The following NKAIN3 variants were observed in gnomAD, a reference collection of about 807,000 sequenced individuals.
NKAIN3 encodes sodium/potassium-transporting ATPase subunit beta-1-interacting protein 3.
NKAIN3 carries 25 observed loss-of-function variants against 30.2 expected under a neutral mutation model. The ratio of observed to expected loss-of-function variants is 0.83; its 90% CI spans 0.60 to 1.16. The LOEUF (loss-of-function observed/expected upper bound fraction) is 1.16, where lower values mean the gene tolerates loss of function less well. Ranked by LOEUF, NKAIN3 falls within the 50% of genes most tolerant of loss-of-function variation. The pLI is 0.00. For synonymous variants in NKAIN3, 91 were observed against 89.6 expected, an observed-to-expected ratio of 1.02 and a Z score of -0.09; for missense variants, 225 against 254.1, an observed-to-expected ratio of 0.89 and a Z score of 0.78.
chr8:62,834,507 C>G lies in NKAIN3; in HGVS notation c.472-83946C>G, dbSNP rs552476281. ...AGGATACAAAATCAATGTATGAAAA[C>G]CAGTAGCACTTCTATACACCAATAA... On this transcript the variant is annotated intron_variant, in intron 4 of 6. Transcript: ENST00000623646. Among the ~76,000 whole-genome samples the G allele has an allele frequency of 4.0e-5, 6 of 151,878 alleles. No individual in the cohort carries two copies. In the South Asian group the frequency reaches 1.2e-3, roughly 32 times the overall value.
chr8:62,691,237 T>G (rs1215653889), intron 3 of NKAIN3, among the ~76,000 whole-genome samples: 1 of 152,168 alleles, frequency 6.6e-6, no homozygotes, highest in Non-Finnish European at 1.5e-5. Context: ...CTGAAGCAGG[T>G]GTTATTGTAG....
At position 62,465,220 on chromosome 8, in the gene NKAIN3, A is replaced by G. The variant is rs13278881; in HGVS notation, c.55-114319A>G. 6.1e-3 allele frequency among the ~76,000 whole-genome samples: 936 copies of G among 152,320 alleles called. 4 individuals are homozygous for G. Among genetic ancestry groups the G allele is most frequent in the Non-Finnish European group, 9.7e-3 (657 of 68,024 alleles). Reference sequence around the variant, plus strand: ...TTGTATACGTTGCAAGTAACATAACATCATCAGATTTATACCATAATTGTA... The same window carrying G: ...TTGTATACGTTGCAAGTAACATAACGTCATCAGATTTATACCATAATTGTA... On this transcript the variant is annotated intron_variant, in intron 1 of 6. Transcript: ENST00000623646.
chr8:62,527,880 T>TGG (rs1193697541), intron 1 of NKAIN3, among the ~76,000 whole-genome samples: 11 of 126,120 alleles, frequency 8.7e-5, no homozygotes, highest in African/African-American at 1.2e-4. Flanking sequence ...GTACTTTTTT[T>TGG]TGGTGTGTGT....
chr8:62,500,718 A>T (rs559770924), intron 1 of NKAIN3, among the ~76,000 whole-genome samples: 37 of 152,280 alleles, frequency 2.4e-4, no homozygotes, highest in African/African-American at 8.4e-4. Context: ...AGGGACAAGG[A>T]TACTGCCGGG....
intron 3 of NKAIN3, among the ~76,000 whole-genome samples, chr8:62,631,391 C>A (rs1426873151): frequency 6.6e-6 from 1 of 152,156 alleles, no homozygotes; most frequent in East Asian, 1.9e-4. Context: ...ATCGCCTAAT[C>A]CAGAAACATG....
At chr8:62,851,918 T>C (rs1819913619) in intron 4 of NKAIN3, among the ~76,000 whole-genome samples, 1 of 152,172 alleles carries the variant, frequency 6.6e-6, no homozygotes, top group African/African-American at 2.4e-5. Context: ...TAAAATTCTC[T>C]TTTTTTGTTG....
At chr8:62,282,325 C>T (rs1192298937) in intron 1 of NKAIN3, among the ~76,000 whole-genome samples, 2 of 152,174 alleles carry the variant, frequency 1.3e-5, no homozygotes, top group African/African-American at 4.8e-5. Flanking sequence ...GATGCCTGCA[C>T]ACCTCTGTGT....
intron 4 of NKAIN3, among the ~76,000 whole-genome samples, chr8:62,824,491 AACACACACACACAC>A (rs6150612): frequency 0.023 from 3,355 of 148,694 alleles, 110 homozygotes; most frequent in African/African-American, 0.072. Context: ...CCACCTCTTC[AACACACACACACAC>A]ACACACACAC....
chr8:62,338,679 G>T (rs1815644142), intron 1 of NKAIN3, among the ~76,000 whole-genome samples: 1 of 151,960 alleles, frequency 6.6e-6, no homozygotes, highest in African/African-American at 2.4e-5. Context: ...AAGCTGAGGA[G>T]CAAAGAAAGC....
chr8:62,888,187 C>A (rs1032214953), intron 4 of NKAIN3, among the ~76,000 whole-genome samples: 2 of 152,122 alleles, frequency 1.3e-5, no homozygotes, highest in African/African-American at 4.8e-5. Context: ...TTCCCCAGGT[C>A]ATTAGGTTCT....
intron 1 of NKAIN3, among the ~76,000 whole-genome samples, chr8:62,438,101 G>A (rs968834722): frequency 5.9e-5 from 9 of 152,088 alleles, no homozygotes; most frequent in Non-Finnish European, 1.0e-4. Context: ...TGCGCAGAGC[G>A]GGGCAGCTGT....
At chr8:62,831,435 G>T (rs1474496130) in intron 4 of NKAIN3, among the ~76,000 whole-genome samples, 1 of 152,040 alleles carries the variant, frequency 6.6e-6, no homozygotes, top group Non-Finnish European at 1.5e-5. Flanking sequence ...GGATTGTAAG[G>T]ATGCTCAAAT....
chr8:62,404,389 G>T (rs890316747), intron 1 of NKAIN3, among the ~76,000 whole-genome samples: 1 of 152,144 alleles, frequency 6.6e-6, no homozygotes, highest in Non-Finnish European at 1.5e-5. Flanking sequence ...CCCAAAGCTC[G>T]TCTTGAATTG....
intron 1 of NKAIN3, among the ~76,000 whole-genome samples, chr8:62,428,400 T>C (rs2129597279): frequency 6.6e-6 from 1 of 152,070 alleles, no homozygotes; most frequent in Non-Finnish European, 1.5e-5. Flanking sequence ...CTACTTTTAG[T>C]TTTTTGAAAA....
chr8:62,477,345 T>TGA lies in NKAIN3; in HGVS notation c.55-102194_55-102193insGA, dbSNP rs1806553186. On this transcript the variant is annotated intron_variant, in intron 1 of 6. Transcript: ENST00000623646. ...CAGTACATCTATTTTGCACTGGCAG[T>TGA]AAAAAAAAATGTGAAACTGGTGAAT... Among the ~76,000 whole-genome samples the TGA allele has an allele frequency of 6.6e-5, 10 of 151,208 alleles. No individual in the cohort carries two copies. The South Asian group carries it at 2.1e-3, about 32-fold the overall frequency.
At chr8:62,712,220 C>T (rs542287470) in intron 3 of NKAIN3, among the ~76,000 whole-genome samples, 38 of 152,202 alleles carry the variant, frequency 2.5e-4, no homozygotes, top group African/African-American at 8.2e-4. Context: ...TGGCCTCCTG[C>T]GAGGAGGTGG....
intron 3 of NKAIN3, among the ~76,000 whole-genome samples, chr8:62,631,841 A>G (rs990457065): frequency 1.3e-5 from 2 of 152,202 alleles, no homozygotes; most frequent in African/African-American, 4.8e-5. Flanking sequence ...ATATCTGTGC[A>G]TTAGCTCATG....
intron 2 of NKAIN3, among the ~76,000 whole-genome samples, chr8:62,586,839 A>T (rs764283875): frequency 6.6e-6 from 1 of 151,980 alleles, no homozygotes; most frequent in African/African-American, 2.4e-5. Flanking sequence ...GTGGATCTGG[A>T]TTTAAAATAT....
intron 3 of NKAIN3, among the ~76,000 whole-genome samples, chr8:62,590,567 T>C (rs1411192882): frequency 6.6e-6 from 1 of 151,882 alleles, no homozygotes; most frequent in East Asian, 1.9e-4. Context: ...AGCTGTCATA[T>C]TTTAAAACTT....
Sources: gnomAD v4.1 joint callset for allele counts (sites outside exome capture counted in the v4.1 genomes callset) on GRCh38, gnomAD v4.1.1 for gene constraint, MANE v1.5 for transcripts, NCBI Gene and HGNC (gene_info 2026-07-23, HGNC 2026-07-21) for gene names.